The following THSD4 variants were observed in gnomAD, a reference collection of about 807,000 sequenced individuals.
The protein encoded by THSD4 is thrombospondin type 1 domain containing 4.
THSD4 carries 69 observed loss-of-function variants against 119.0 expected under a neutral mutation model. The observed-to-expected ratio is 0.58, with a 90% confidence interval of 0.48 to 0.71. The LOEUF (loss-of-function observed/expected upper bound fraction) is 0.71, where lower values mean the gene tolerates loss of function less well. Among genes scored for constraint, THSD4 ranks in the 30% least tolerant of loss-of-function variants. THSD4 has a pLI of 0.00. For synonymous variants in THSD4, 524 were observed against 540.4 expected (o/e 0.97, Z 0.42); for missense variants, 1,393 against 1,391.1 (o/e 1.00, Z -0.02).
intron 8 of THSD4, among the ~76,000 whole-genome samples, chr15:71,668,649 C>T (rs376633175): frequency 1.3e-5 from 2 of 152,194 alleles, no homozygotes; most frequent in East Asian, 3.9e-4. Flanking sequence ...CTTCTGTCTT[C>T]ATTGTGGAAT....
intron 6 of THSD4, among the ~76,000 whole-genome samples, chr15:71,282,013 TC>T (rs1187173922): frequency 6.6e-6 from 1 of 152,178 alleles, no homozygotes; most frequent in African/African-American, 2.4e-5. Flanking sequence ...AATAGTAGTA[TC>T]CCCCTCAAAG....
chr15:71,193,993 G>A (rs1008903546), intron 3 of THSD4, among the ~76,000 whole-genome samples: 10 of 152,178 alleles, frequency 6.6e-5, no homozygotes, highest in African/African-American at 2.4e-4. Context: ...TTACAGGCGT[G>A]AGCCACCGCG....
At chr15:71,441,397 A>T (rs1192828351) in intron 7 of THSD4, among the ~76,000 whole-genome samples, 2 of 73,366 alleles carry the variant, frequency 2.7e-5, no homozygotes, top group South Asian at 6.1e-4. Context: ...CACCTGTAGA[A>T]TTTTTTTTTT....
chr15:71,482,546 TC>T (rs1415428373), intron 7 of THSD4, among the ~76,000 whole-genome samples: 1 of 151,914 alleles, frequency 6.6e-6, no homozygotes, highest in Non-Finnish European at 1.5e-5. Flanking sequence ...TGCCTCGGCC[TC>T]CCAAAGTGCT....
At chr15:71,725,905 C>G (rs4777447) in intron 8 of THSD4, among the ~76,000 whole-genome samples, 81,777 of 151,324 alleles carry the variant, frequency 0.54, 26,381 homozygotes, top group East Asian at 0.81. Flanking sequence ...CCTCAGCCTC[C>G]TGAGTAGCTG....
intron 6 of THSD4, among the ~76,000 whole-genome samples, chr15:71,390,162 C>G (rs2046358308): frequency 6.6e-6 from 1 of 152,010 alleles, no homozygotes. Flanking sequence ...TAAATAGAAA[C>G]AAAGCAGGAA....
chr15:71,279,350 A>G (rs936911537), intron 6 of THSD4, among the ~76,000 whole-genome samples: 2 of 152,148 alleles, frequency 1.3e-5, no homozygotes, highest in African/African-American at 4.8e-5. Context: ...GCCCCCATCA[A>G]TCAGTCATGA....
At chr15:71,531,451 A>G (rs2048608432) in intron 7 of THSD4, among the ~76,000 whole-genome samples, 1 of 152,200 alleles carries the variant, frequency 6.6e-6, no homozygotes, top group South Asian at 2.1e-4. Flanking sequence ...AAATGGATAG[A>G]AGTGGGTGAA....
chr15:71,358,338 G>C (rs1248808373), intron 6 of THSD4, among the ~76,000 whole-genome samples: 1 of 152,158 alleles, frequency 6.6e-6, no homozygotes, highest in African/African-American at 2.4e-5. Flanking sequence ...ATCAGTCCAG[G>C]GACTATTTAG....
chr15:71,196,488 C>T (rs934592014), intron 3 of THSD4, among the ~76,000 whole-genome samples: 1 of 151,930 alleles, frequency 6.6e-6, no homozygotes, highest in Non-Finnish European at 1.5e-5. Flanking sequence ...GATAACTGAC[C>T]AGGTTGGAGG....
Position 71,278,791 on chromosome 15 carries a change from G to C in THSD4, c.1015+22076G>C, listed in dbSNP as rs149470515. On this transcript the variant is annotated intron_variant, in intron 6 of 17. Coordinates refer to ENST00000261862, the MANE Select transcript of THSD4 (RefSeq NM_024817.3). ...CCTTGTCACGAGTTTAGTGAGCCCA[G>C]AAGTCAACAAATGAGTAGGGGCAAG... is the stretch of plus-strand genomic sequence containing the variant. 2.1e-3 allele frequency among the ~76,000 whole-genome samples: 318 copies of C among 152,288 alleles called. 2 individuals are homozygous for C. Among genetic ancestry groups the C allele is most frequent in the African/African-American group, 7.5e-3 (310 of 41,562 alleles).
In THSD4 at chr15:71,208,071, A is replaced by AG. The variant is rs1416935149; in HGVS notation, c.100-6963dup. Among the ~76,000 whole-genome samples the AG allele has an allele frequency of 3.3e-5, 5 of 152,218 alleles. 1 individual carries two copies. Among genetic ancestry groups the AG allele is most frequent in the African/African-American group, 1.2e-4 (5 of 41,470 alleles). ...GCTGCTGCTGGAGCCAAGGACTCAA[A>AG]GCCATTTGGTCTGCTGGTCAATTTG... is the stretch of plus-strand genomic sequence containing the variant. On this transcript the variant is annotated intron_variant, in intron 3 of 17. Transcript: ENST00000261862.
intron 7 of THSD4, among the ~76,000 whole-genome samples, chr15:71,548,324 T>C (rs1270140454): frequency 6.6e-6 from 1 of 152,230 alleles, no homozygotes; most frequent in Non-Finnish European, 1.5e-5. Flanking sequence ...ATCTTCGTCT[T>C]TGAAAAGCCA....
chr15:71,568,403 C>T (rs1291848789), intron 7 of THSD4, among the ~76,000 whole-genome samples: 3 of 151,962 alleles, frequency 2.0e-5, no homozygotes, highest in Admixed American at 1.3e-4. Context: ...AGTAGGATCC[C>T]GGGATTCTAT....
At chr15:71,168,051 G>A (rs936637898) in intron 3 of THSD4, among the ~76,000 whole-genome samples, 3 of 152,172 alleles carry the variant, frequency 2.0e-5, no homozygotes, top group African/African-American at 7.2e-5. Context: ...TCATGTTCCT[G>A]CAATATGAAC....
At chr15:71,359,990 T>TA (rs1420484727) in intron 6 of THSD4, among the ~76,000 whole-genome samples, 4 of 152,206 alleles carry the variant, frequency 2.6e-5, no homozygotes, top group African/African-American at 7.2e-5. Flanking sequence ...TTGAGTAGCT[T>TA]AAAGAACAGT....
intron 1 of THSD4, among the ~76,000 whole-genome samples, chr15:71,106,091 C>A (rs1173809956): frequency 1.3e-5 from 2 of 152,118 alleles, no homozygotes; most frequent in Non-Finnish European, 2.9e-5. Flanking sequence ...GGTCAAAGGC[C>A]AGACTTAGGT....
intron 8 of THSD4, among the ~76,000 whole-genome samples, chr15:71,675,327 C>T (rs1299183354): frequency 6.6e-6 from 1 of 152,200 alleles, no homozygotes; most frequent in Non-Finnish European, 1.5e-5. Flanking sequence ...GAACTCTGAT[C>T]ATCTCTCCAG....
intron 7 of THSD4, among the ~76,000 whole-genome samples, chr15:71,504,263 A>T (rs1008108409): frequency 2.0e-5 from 3 of 152,210 alleles, no homozygotes; most frequent in African/African-American, 7.2e-5. Context: ...GGTCTGGCCT[A>T]TGATAGGGCT....
Sources: allele counts gnomAD v4.1 joint callset (sites outside exome capture counted in the v4.1 genomes callset), GRCh38; gene constraint gnomAD v4.1.1; transcripts MANE v1.5; gene names NCBI Gene and HGNC (gene_info 2026-07-23, HGNC 2026-07-21).